CUL5: variants seen among roughly 807,000 people sequenced by gnomAD.
CUL5 encodes the protein cullin 5.
CUL5 carries 26 observed loss-of-function variants against 108.8 expected under a neutral mutation model. The ratio of observed to expected loss-of-function variants is 0.24; its 90% CI spans 0.18 to 0.33. The LOEUF (loss-of-function observed/expected upper bound fraction) is 0.33, where lower values mean the gene tolerates loss of function less well. Ranked by LOEUF, CUL5 falls within the 10% of genes least tolerant of loss-of-function variation. CUL5 has a pLI of 1.00. For missense variants in CUL5, 524 were observed against 909.2 expected (o/e 0.58, Z 5.45); for synonymous variants, 334 against 298.0 (o/e 1.12, Z -1.25).
intron 1 of CUL5, among the ~76,000 whole-genome samples, chr11:108,030,665 G>A (rs1233957323): frequency 6.6e-6 from 1 of 152,088 alleles, no homozygotes; most frequent in African/African-American, 2.4e-5. Context: ...AGAATACAGT[G>A]TGATAGAAGC....
chr11:108,081,776 T>C (rs945352157), intron 11 of CUL5, among the ~76,000 whole-genome samples: 2 of 152,066 alleles, frequency 1.3e-5, no homozygotes, highest in Non-Finnish European at 1.5e-5. Context: ...TTGGCTATGA[T>C]GTATGTGTTT....
chr11:108,098,036 G>A lies in CUL5; in HGVS notation c.2024+282G>A, dbSNP rs74509423. ...TAAAGCAACTTTATTCAGAGAAAGC[G>A]TTTTTTGTGTTGTTTTGTTTCGTTT... On this transcript the variant is annotated intron_variant, in intron 17 of 18. Coordinates refer to ENST00000393094, the MANE Select transcript of CUL5 (RefSeq NM_003478.6). Among the ~76,000 whole-genome samples the A allele has an allele frequency of 6.1e-3, 928 of 152,148 alleles. 22 individuals are homozygous for A. Among genetic ancestry groups the A allele is most frequent in the East Asian group, 0.056 (290 of 5,180 alleles).
At chr11:108,032,599 C>G (rs978076767) in intron 1 of CUL5, among the ~76,000 whole-genome samples, 7 of 151,222 alleles carry the variant, frequency 4.6e-5, no homozygotes, top group African/African-American at 1.7e-4. Context: ...CTCTCTCTCT[C>G]TCTGTTTTTG....
intron 7 of CUL5, among the ~76,000 whole-genome samples, chr11:108,064,603 G>C (rs553026781): frequency 3.9e-5 from 6 of 152,184 alleles, no homozygotes; most frequent in Admixed American, 1.3e-4. Context: ...CCAGCTACTC[G>C]GGAGGCTAAG....
At chr11:108,073,711 A>G in intron 10 of CUL5, 2 of 304,372 alleles carry the variant, frequency 6.6e-6, no homozygotes, top group East Asian at 1.1e-4. Flanking sequence ...ATTTAGTTAG[A>G]AAGTTGCTTT....
chr11:108,049,174 G>T (rs1336324964), intron 3 of CUL5, among the ~76,000 whole-genome samples: 1 of 152,022 alleles, frequency 6.6e-6, no homozygotes, highest in Admixed American at 6.5e-5. Flanking sequence ...TCACTAATCT[G>T]TTGTCCCTAT....
At chr11:108,033,778 C>T in intron 1 of CUL5, 24 bp from the exon 2 acceptor site, 1 of 1,410,016 alleles carries the variant, frequency 7.1e-7, no homozygotes, top group African/African-American at 1.4e-5. Flanking sequence ...AATTAAACTC[C>T]CTTTTATCTT....
intron 5 of CUL5, among the ~76,000 whole-genome samples, chr11:108,054,249 A>T (rs1480655294): frequency 6.6e-6 from 1 of 152,192 alleles, no homozygotes; most frequent in Non-Finnish European, 1.5e-5. Flanking sequence ...CTTGCAATCC[A>T]CTTAGACAAC....
intron 1 of CUL5, among the ~76,000 whole-genome samples, chr11:108,032,382 C>T (rs1407876451): frequency 1.3e-5 from 2 of 152,180 alleles, no homozygotes; most frequent in East Asian, 1.9e-4. Flanking sequence ...GTGGTGCGCA[C>T]GTGTAGTCCC....
chr11:108,020,867 A>G (rs1862312001), intron 1 of CUL5, among the ~76,000 whole-genome samples: 1 of 152,208 alleles, frequency 6.6e-6, no homozygotes, highest in Admixed American at 6.5e-5. Context: ...CTAGACCTTC[A>G]CATTCACTCA....
chr11:108,085,566 T>C (rs1864199857), intron 11 of CUL5, among the ~76,000 whole-genome samples: 1 of 152,206 alleles, frequency 6.6e-6, no homozygotes, highest in Non-Finnish European at 1.5e-5. Flanking sequence ...TTAAAAATTA[T>C]TAAAATGATA....
intron 2 of CUL5, among the ~76,000 whole-genome samples, chr11:108,038,351 A>T (rs1371387867): frequency 2.0e-5 from 3 of 152,100 alleles, no homozygotes; most frequent in Non-Finnish European, 2.9e-5. Flanking sequence ...AATCGTCAAT[A>T]ACCTTTTACT....
At chr11:108,048,593 A>C (rs1040576510) in intron 3 of CUL5, among the ~76,000 whole-genome samples, 3 of 150,786 alleles carry the variant, frequency 2.0e-5, no homozygotes, top group African/African-American at 7.3e-5. Context: ...CTGTTGGTCA[A>C]AGTAAATCAC....
At chr11:108,024,465 C>T (rs1027405382) in intron 1 of CUL5, among the ~76,000 whole-genome samples, 2 of 152,088 alleles carry the variant, frequency 1.3e-5, no homozygotes, top group Admixed American at 6.6e-5. Context: ...TATCACTGAA[C>T]ACATAGGATA....
chr11:108,048,288 C>CT (rs1863116071), intron 3 of CUL5, among the ~76,000 whole-genome samples: 1 of 151,850 alleles, frequency 6.6e-6, no homozygotes, highest in Non-Finnish European at 1.5e-5. Context: ...TAGGTGGAGT[C>CT]TTTTTTGTTT....
chr11:108,033,775 C>A, intron 1 of CUL5, 27 bp from the exon 2 acceptor site: 2 of 1,385,944 alleles, frequency 1.4e-6, no homozygotes, highest in Admixed American at 2.0e-5. Context: ...TTAAATTAAA[C>A]TCCCTTTTAT....
intron 18 of CUL5, among the ~76,000 whole-genome samples, chr11:108,099,432 CAATA>C (rs1301021520): frequency 3.3e-5 from 5 of 151,910 alleles, no homozygotes; most frequent in African/African-American, 7.2e-5. Context: ...TTCTATGGGG[CAATA>C]AATAAAAGGA....
At chr11:108,039,306 C>T (rs373486473) in intron 2 of CUL5, among the ~76,000 whole-genome samples, 7 of 151,982 alleles carry the variant, frequency 4.6e-5, no homozygotes, top group Admixed American at 2.0e-4. Flanking sequence ...AGGCATGAGC[C>T]ACTGTGCCCG....
chr11:108,059,714 TAAAAA>T (rs905257024), intron 7 of CUL5, among the ~76,000 whole-genome samples: 1 of 147,728 alleles, frequency 6.8e-6, no homozygotes, highest in Non-Finnish European at 1.5e-5. Context: ...CTGTCTCTAC[TAAAAA>T]AAAAATACAA....
Sources: gnomAD v4.1 joint callset for allele counts (sites outside exome capture counted in the v4.1 genomes callset) on GRCh38, gnomAD v4.1.1 for gene constraint, MANE v1.5 for transcripts, NCBI Gene and HGNC (gene_info 2026-07-23, HGNC 2026-07-21) for gene names.